UACA: variants seen among roughly 807,000 people sequenced by gnomAD.
UACA encodes the protein nuclear membrane binding protein.
UACA carries 112 observed loss-of-function variants against 160.5 expected under a neutral mutation model. The ratio of observed to expected loss-of-function variants is 0.70; its 90% CI spans 0.60 to 0.82. The LOEUF (loss-of-function observed/expected upper bound fraction) is 0.82. UACA is among the 40% of genes least tolerant of loss of function. The probability of loss-of-function intolerance (pLI) is 0.00; values close to 1 mark genes in which losing one functional copy is unlikely to be tolerated. For missense variants in UACA, 1,574 were observed against 1,614.6 expected (o/e 0.97, Z 0.43); for synonymous variants, 557 against 568.4 (o/e 0.98, Z 0.29).
At chr15:70,717,915 T>C (rs1898867674) in intron 1 of UACA, among the ~76,000 whole-genome samples, 2 of 152,208 alleles carry the variant, frequency 1.3e-5, no homozygotes, top group South Asian at 4.1e-4. Context: ...GAAGCAATTC[T>C]ACCTCAAGAC....
intron 1 of UACA, among the ~76,000 whole-genome samples, chr15:70,715,182 A>C (rs2140982776): frequency 6.6e-6 from 1 of 152,336 alleles, no homozygotes; most frequent in African/African-American, 2.4e-5. Context: ...TATAAAGCTA[A>C]AAACCAAGGA....
At chr15:70,671,265 A>G (rs1897129663) in intron 14 of UACA, 174 bp from the exon 15 acceptor site, 1 of 465,972 alleles carries the variant, frequency 2.1e-6, no homozygotes, top group African/African-American at 2.0e-5. Flanking sequence ...CTATAAACAG[A>G]AGTACCTACA....
chr15:70,675,532 C>A (rs1897280131), intron 13 of UACA, among the ~76,000 whole-genome samples: 1 of 152,178 alleles, frequency 6.6e-6, no homozygotes, highest in South Asian at 2.1e-4. Context: ...CTCAGTAACC[C>A]CTCACCAAAC....
At chr15:70,770,629 T>C in the UACA span, among the ~76,000 whole-genome samples, 1 of 152,216 alleles carries the variant, frequency 6.6e-6, no homozygotes, top group Non-Finnish European at 1.5e-5. Context: ...GAGAAGCATG[T>C]TTTATGCTCC....
intron 1 of UACA, among the ~76,000 whole-genome samples, chr15:70,759,562 G>A (rs1409537252): frequency 2.0e-5 from 3 of 152,218 alleles, no homozygotes; most frequent in Non-Finnish European, 4.4e-5. Flanking sequence ...GGCTGAGGCA[G>A]GAGAATTGCT....
intron 15 of UACA, among the ~76,000 whole-genome samples, chr15:70,669,981 A>G: frequency 6.6e-6 from 1 of 152,212 alleles, no homozygotes. Flanking sequence ...CTTCACTGTT[A>G]ATCCAACAGA....
At position 70,699,580 on chromosome 15, in the gene UACA, G is replaced by C; in HGVS notation, c.159C>G (p.Ile53Met). The C allele has an allele frequency of 6.2e-7, 1 of 1,609,530 alleles. No individual in the cohort carries two copies. The highest frequency in any genetic ancestry group is 8.5e-7 in the Non-Finnish European group (1 of 1,178,950). The change falls in exon 2 of 19, where the codon ATC becomes ATG. Residue 53 changes from isoleucine (I) to methionine (M), a missense_variant. By Grantham distance (10) the Ile-to-Met change is conservative. Coordinates refer to ENST00000322954, the MANE Select transcript of UACA (RefSeq NM_018003.4). ...ERGDVEKVTS[I>M]LAKKGVNPGK... Reference sequence around the variant, plus strand: ...CTGGATTGACCCCCTTTTTAGCAAGGATTGAGGTCACTTTTTCTACATCCC... The same window carrying C: ...CTGGATTGACCCCCTTTTTAGCAAGCATTGAGGTCACTTTTTCTACATCCC...
chr15:70,725,060 C>G (rs12903289), intron 1 of UACA, among the ~76,000 whole-genome samples: 1 of 151,744 alleles, frequency 6.6e-6, no homozygotes, highest in Non-Finnish European at 1.5e-5. Context: ...CTGCTGCACT[C>G]TAGCCTGGGC....
At chr15:70,736,593 C>G (rs28710141) in intron 1 of UACA, among the ~76,000 whole-genome samples, 28,004 of 151,748 alleles carry the variant, frequency 0.18, 3,990 homozygotes, top group African/African-American at 0.4. Context: ...CACCACCACG[C>G]CCGGCTATTT....
chr15:70,701,918 A>C (rs759478904), intron 1 of UACA: 12 of 1,613,208 alleles, frequency 7.4e-6, no homozygotes, highest in Non-Finnish European at 1.0e-5. Context: ...TTCATCATAG[A>C]CAGGATTTAG....
At chr15:70,665,673 G>A (rs1896878629) in intron 16 of UACA, among the ~76,000 whole-genome samples, 1 of 152,080 alleles carries the variant, frequency 6.6e-6, no homozygotes, top group Non-Finnish European at 1.5e-5. Flanking sequence ...GCAACAAGTA[G>A]ATATTAATAA....
At chr15:70,700,694 A>C (rs1389855850) in intron 1 of UACA, among the ~76,000 whole-genome samples, 1 of 152,058 alleles carries the variant, frequency 6.6e-6, no homozygotes, top group African/African-American at 2.4e-5. Context: ...TTTCTCAATA[A>C]GCATAAATGT....
intron 1 of UACA, among the ~76,000 whole-genome samples, chr15:70,713,221 G>A (rs1417715199): frequency 2.0e-5 from 3 of 152,120 alleles, no homozygotes; most frequent in Non-Finnish European, 4.4e-5. Flanking sequence ...CGCGGTGGCC[G>A]GCGCCTGTAG....
At chr15:70,719,481 C>A (rs983650468) in intron 1 of UACA, among the ~76,000 whole-genome samples, 2 of 152,088 alleles carry the variant, frequency 1.3e-5, no homozygotes, top group Non-Finnish European at 2.9e-5. Context: ...TACTGAAAAC[C>A]AAAATAAAAT....
At chr15:70,760,832 A>G (rs1392732503) in intron 1 of UACA, among the ~76,000 whole-genome samples, 1 of 152,078 alleles carries the variant, frequency 6.6e-6, no homozygotes, top group Non-Finnish European at 1.5e-5. Context: ...CAGAAAAAGA[A>G]AAATGGAAAG....
intron 16 of UACA, among the ~76,000 whole-genome samples, chr15:70,666,198 A>G (rs1411090665): frequency 6.6e-6 from 1 of 152,228 alleles, no homozygotes; most frequent in African/African-American, 2.4e-5. Flanking sequence ...ATAACATGTT[A>G]ATGAATGTAT....
chr15:70,686,365 C>G (rs186673596), intron 7 of UACA, among the ~76,000 whole-genome samples: 2 of 151,776 alleles, frequency 1.3e-5, no homozygotes, highest in African/African-American at 4.8e-5. Flanking sequence ...GTAGGGGCTT[C>G]CAAGTCAAAG....
intron 1 of UACA, among the ~76,000 whole-genome samples, chr15:70,741,057 T>TA (rs1419138995): frequency 6.6e-6 from 1 of 150,866 alleles, no homozygotes; most frequent in Non-Finnish European, 1.5e-5. Context: ...TAAAATAAAA[T>TA]AAAAATAAAA....
At position 70,669,107 on chromosome 15, in the gene UACA, T is replaced by C; in HGVS notation, c.1577A>G (p.His526Arg). Residue 526 changes from histidine to arginine, a missense_variant, in exon 16 of 19, where the codon CAC becomes CGC. Transcript: ENST00000322954. ...CCCTGAGGCTGCTTCACTTGTTAAG[T>C]GTTCTTTAAGGGCAAGAAAATGGGT... ...MQTHFLALKE[H>R]LTSEAASGNH... 6.2e-7 allele frequency: 1 copy of C among 1,614,138 alleles called. No homozygotes were observed. The highest frequency in any genetic ancestry group is 8.5e-7 in the Non-Finnish European group (1 of 1,179,998).
Sources: gnomAD v4.1 joint callset for allele counts (sites outside exome capture counted in the v4.1 genomes callset) on GRCh38, gnomAD v4.1.1 for gene constraint, MANE v1.5 for transcripts, NCBI Gene and HGNC (gene_info 2026-07-23, HGNC 2026-07-21) for gene names.